The following FOXP1 variants were observed in gnomAD, a reference collection of about 807,000 sequenced individuals.
The protein encoded by FOXP1 is forkhead box P1.
Under a neutral mutation model 98.2 loss-of-function variants are expected in FOXP1, and 15 were observed. The ratio of observed to expected loss-of-function variants is 0.15; its 90% CI spans 0.10 to 0.24. The LOEUF (loss-of-function observed/expected upper bound fraction) is 0.24, where lower values mean the gene tolerates loss of function less well. Ranked by LOEUF, FOXP1 falls within the 10% of genes least tolerant of loss-of-function variation. The probability of loss-of-function intolerance (pLI) is 1.00; values close to 1 mark genes in which losing one functional copy is unlikely to be tolerated. For synonymous variants in FOXP1, 371 were observed against 314.5 expected, an observed-to-expected ratio of 1.18 and a Z score of -1.90; for missense variants, 633 against 848.5, an observed-to-expected ratio of 0.75 and a Z score of 3.15.
intron 7 of FOXP1, among the ~76,000 whole-genome samples, chr3:71,076,378 G>A (rs1396149128): frequency 1.3e-5 from 2 of 152,108 alleles, no homozygotes; most frequent in South Asian, 2.1e-4. Flanking sequence ...ACGTACATAC[G>A]CAGACATCAG....
chr3:71,017,600 A>G (rs1417776823), intron 11 of FOXP1, among the ~76,000 whole-genome samples: 2 of 152,034 alleles, frequency 1.3e-5, no homozygotes, highest in Non-Finnish European at 2.9e-5. Context: ...TTTTGTAAAT[A>G]CTTTCTCATG....
chr3:71,414,708 C>G (rs72959375), intron 3 of FOXP1, among the ~76,000 whole-genome samples: 6,548 of 152,264 alleles, frequency 0.043, 456 homozygotes, highest in African/African-American at 0.15. Context: ...GCCTCAAAGG[C>G]ACCTCTTAGG....
intron 1 of FOXP1, chr3:71,582,599 C>T (rs1013279865): frequency 2.5e-5 from 25 of 985,344 alleles, no homozygotes; most frequent in African/African-American, 7.0e-5. Flanking sequence ...TCCCCGTCCC[C>T]CAAGCTTCAG....
intron 2 of FOXP1, among the ~76,000 whole-genome samples, chr3:71,521,298 G>T (rs778450661): frequency 4.6e-5 from 7 of 152,208 alleles, no homozygotes; most frequent in Non-Finnish European, 8.8e-5. Flanking sequence ...TTGGGAGGCC[G>T]AGTGAATCGC....
chr3:71,407,745 ACAG>A (rs2082450330), intron 3 of FOXP1, among the ~76,000 whole-genome samples: 1 of 151,950 alleles, frequency 6.6e-6, no homozygotes, highest in Non-Finnish European at 1.5e-5. Flanking sequence ...CGGATCATAA[ACAG>A]CACAAAAATA....
chr3:71,037,447 G>A (rs190913731), intron 11 of FOXP1, among the ~76,000 whole-genome samples: 1 of 152,292 alleles, frequency 6.6e-6, no homozygotes, highest in Admixed American at 6.5e-5. Context: ...AAACAAGACA[G>A]TATCTTCATA....
intron 19 of FOXP1, among the ~76,000 whole-genome samples, chr3:70,967,164 G>C (rs1314702284): frequency 2.0e-5 from 3 of 152,164 alleles, no homozygotes; most frequent in Admixed American, 2.0e-4. Flanking sequence ...CTGGCATAGT[G>C]ACTTCCACTG....
chr3:71,370,397 T>C (rs2079210989), intron 3 of FOXP1, among the ~76,000 whole-genome samples: 1 of 152,138 alleles, frequency 6.6e-6, no homozygotes, highest in African/African-American at 2.4e-5. Flanking sequence ...AATAGTACCA[T>C]GAGAAACGAG....
At chr3:71,210,330 G>A (rs1490269910) in intron 5 of FOXP1, among the ~76,000 whole-genome samples, 2 of 152,044 alleles carry the variant, frequency 1.3e-5, no homozygotes, top group African/African-American at 4.8e-5. Context: ...TTTTTGTTTT[G>A]TTGCTCTGTG....
At chr3:71,255,323 C>T (rs1194554289) in intron 5 of FOXP1, among the ~76,000 whole-genome samples, 4 of 152,070 alleles carry the variant, frequency 2.6e-5, no homozygotes, top group Non-Finnish European at 5.9e-5. Context: ...GAAGTAAATG[C>T]AACTATAGAG....
intron 4 of FOXP1, among the ~76,000 whole-genome samples, chr3:71,314,864 C>T (rs1479311265): frequency 6.6e-6 from 1 of 151,862 alleles, no homozygotes; most frequent in Non-Finnish European, 1.5e-5. Context: ...CATTGAAACA[C>T]ATTTTCTTGT....
chr3:71,223,659 C>T (rs576870842), intron 5 of FOXP1, among the ~76,000 whole-genome samples: 3 of 146,912 alleles, frequency 2.0e-5, no homozygotes, highest in African/African-American at 7.6e-5. Context: ...TGCACCACCG[C>T]ACTCCGGCCT....
chr3:71,394,428 A>T (rs936888460), intron 3 of FOXP1, among the ~76,000 whole-genome samples: 1 of 152,206 alleles, frequency 6.6e-6, no homozygotes, highest in Non-Finnish European at 1.5e-5. Flanking sequence ...GTGAGTGTGA[A>T]GCAATGCCTA....
At chr3:71,181,814 T>A (rs2108283925) in intron 6 of FOXP1, among the ~76,000 whole-genome samples, 1 of 152,080 alleles carries the variant, frequency 6.6e-6, no homozygotes. Context: ...GGACGGATGA[T>A]GAGGTCAGGA....
intron 3 of FOXP1, among the ~76,000 whole-genome samples, chr3:71,442,181 C>T (rs1245131148): frequency 6.6e-6 from 1 of 152,086 alleles, no homozygotes; most frequent in African/African-American, 2.4e-5. Context: ...TCCCAGATGC[C>T]CCAGTTGTTC....
intron 5 of FOXP1, among the ~76,000 whole-genome samples, chr3:71,228,981 T>TC (rs56144991): frequency 0.82 from 119,150 of 145,546 alleles, 48,869 homozygotes; most frequent in East Asian, 0.89. Context: ...TTTTTTTTTT[T>TC]GATGTCTCAT....
At chr3:71,285,576 T>C (rs1280116438) in intron 5 of FOXP1, among the ~76,000 whole-genome samples, 2 of 152,200 alleles carry the variant, frequency 1.3e-5, no homozygotes, top group Non-Finnish European at 2.9e-5. Flanking sequence ...GAAACACTTG[T>C]AAATTCCCTT....
chr3:71,432,866 A>AAAAAAAAAAAAAAAAAAAAAAAAC (rs142495025), intron 3 of FOXP1, among the ~76,000 whole-genome samples: 1 of 138,462 alleles, frequency 7.2e-6, no homozygotes, highest in Non-Finnish European at 1.6e-5. Context: ...AAAAAAAAAA[A>AAAAAAAAAAAAAAAAAAAAAAAAC]TTAAAAAAAA....
intron 7 of FOXP1, among the ~76,000 whole-genome samples, chr3:71,058,097 C>A (rs796720276): frequency 2.6e-5 from 4 of 151,676 alleles, no homozygotes; most frequent in African/African-American, 9.6e-5. Context: ...AGCAAACAAA[C>A]AAATAAAAAC....
Sources: gnomAD v4.1 joint callset for allele counts (sites outside exome capture counted in the v4.1 genomes callset) on GRCh38, gnomAD v4.1.1 for gene constraint, MANE v1.5 for transcripts, NCBI Gene and HGNC (gene_info 2026-07-23, HGNC 2026-07-21) for gene names.